PLCG2: variants seen among roughly 807,000 people sequenced by gnomAD.
PLCG2 encodes 1-phosphatidylinositol 4,5-bisphosphate phosphodiesterase gamma-2.
A neutral mutation model predicts 175.6 loss-of-function variants in PLCG2; 69 were observed. The ratio of observed to expected loss-of-function variants is 0.39; its 90% CI spans 0.32 to 0.48. The LOEUF is 0.48. Among genes scored for constraint, PLCG2 ranks in the 20% least tolerant of loss-of-function variants. PLCG2 has a pLI of 0.91. For synonymous variants in PLCG2, 827 were observed against 624.0 expected (o/e 1.33, Z -4.85); for missense variants, 1,798 against 1,650.9 (o/e 1.09, Z -1.54).
At position 81,913,560 on chromosome 16, in the gene PLCG2, T is replaced by TG. The variant is rs577781189; in HGVS notation, c.2054+849dup. Among the ~76,000 whole-genome samples the TG allele has an allele frequency of 2.8e-4, 43 of 152,340 alleles. 1 individual carries two copies. In the East Asian group the frequency reaches 8.1e-3, roughly 29 times the overall value. On this transcript the variant is annotated intron_variant, in intron 19 of 32. Coordinates refer to ENST00000564138, the MANE Select transcript of PLCG2 (RefSeq NM_002661.5). ...ACTCCAGAGTCTCTAGCCAGAGGCC[T>TG]GGGGGCCAAATCTCCAGCCAGAGGC...
rs564633233 is a variant in PLCG2, at chr16:81,811,366, C to A, written c.193+25184C>A. Among the ~76,000 whole-genome samples the A allele has an allele frequency of 1.9e-4, 29 of 152,276 alleles. No homozygotes were observed. In the South Asian group the frequency reaches 5.0e-3, roughly 26 times the overall value. On this transcript the variant is annotated intron_variant, in intron 2 of 32. Coordinates refer to ENST00000564138, the MANE Select transcript of PLCG2 (RefSeq NM_002661.5). The stretch of plus-strand genomic sequence containing the variant: ...ATCATCGATAAGGGATGGTTTTGCA[C>A]GTCGGGGTTCAGGACTCAAAAGGGA...
At chr16:81,776,356 G>A (rs904585497), upstream of PLCG2, among the ~76,000 whole-genome samples, 21 of 151,812 alleles carry the variant, frequency 1.4e-4, no homozygotes, top group East Asian at 1.9e-4. Flanking sequence ...TGATCCGCCC[G>A]CCTCAGCCTC....
intron 2 of PLCG2, among the ~76,000 whole-genome samples, chr16:81,789,481 G>A (rs867469276): frequency 9.2e-5 from 14 of 152,226 alleles, no homozygotes; most frequent in African/African-American, 3.1e-4. Flanking sequence ...TGTAGATAGG[G>A]TCTTGCTATG....
chr16:81,757,276 C>T (rs1482822973), intron 2 of PLCG2, among the ~76,000 whole-genome samples: 3 of 152,048 alleles, frequency 2.0e-5, no homozygotes, highest in African/African-American at 7.2e-5. Context: ...CAATTTTCTG[C>T]TAGGCCCTGG....
chr16:81,810,059 T>G (rs1555508437), intron 2 of PLCG2, among the ~76,000 whole-genome samples: 1 of 152,010 alleles, frequency 6.6e-6, no homozygotes, highest in Non-Finnish European at 1.5e-5. Flanking sequence ...TGGCGTGATC[T>G]CAGCTCACTG....
At chr16:81,779,017 C>G (rs1464391399), upstream of PLCG2, among the ~76,000 whole-genome samples, 2 of 152,130 alleles carry the variant, frequency 1.3e-5, no homozygotes, top group Admixed American at 6.5e-5. Flanking sequence ...TCCAGGAATG[C>G]CATGATATTG....
upstream of PLCG2, among the ~76,000 whole-genome samples, chr16:81,775,166 A>G (rs986644807): frequency 1.3e-5 from 2 of 152,174 alleles, no homozygotes; most frequent in Admixed American, 6.6e-5. Flanking sequence ...CCATCGTCAC[A>G]ATCCATTTTA....
intron 1 of PLCG2, among the ~76,000 whole-genome samples, chr16:81,781,028 GACAAACAAACAA>G (rs112007343): frequency 2.2e-3 from 330 of 150,850 alleles, no homozygotes; most frequent in African/African-American, 7.6e-3. Context: ...TCCATCTCAA[GACAAACAAACAA>G]ACAAACAAAC....
chr16:81,915,230 C>T (rs1338172309), intron 19 of PLCG2, among the ~76,000 whole-genome samples: 15 of 152,186 alleles, frequency 9.9e-5, no homozygotes, highest in Admixed American at 9.8e-4. Flanking sequence ...TAGGGGAACA[C>T]AGGTCTGCAG....
chr16:81,902,031 A>T (rs1275857980), intron 14 of PLCG2, among the ~76,000 whole-genome samples: 1 of 152,214 alleles, frequency 6.6e-6, no homozygotes, highest in Non-Finnish European at 1.5e-5. Flanking sequence ...TCTCAGGCAC[A>T]TCCGAGTTCC....
At chr16:81,894,022 G>C (rs1005819027) in intron 12 of PLCG2, among the ~76,000 whole-genome samples, 1 of 149,022 alleles carries the variant, frequency 6.7e-6, no homozygotes, top group African/African-American at 2.5e-5. Context: ...CTTCCTCCTG[G>C]GCTGGTATTA....
chr16:81,743,866 T>C (rs80055955), intron 1 of PLCG2, among the ~76,000 whole-genome samples: 1 of 75,712 alleles, frequency 1.3e-5, no homozygotes, highest in African/African-American at 3.2e-5. Flanking sequence ...TTTCTTTTTC[T>C]TTTTTTTTTT....
chr16:81,865,239 T>TC (rs1907170535), intron 5 of PLCG2, among the ~76,000 whole-genome samples: 1 of 152,092 alleles, frequency 6.6e-6, no homozygotes, highest in Admixed American at 6.5e-5. Context: ...CGAGGCACTC[T>TC]CTGTAGGGGA....
intron 1 of PLCG2, chr16:81,755,804 G>A (rs1302357973): frequency 6.6e-6 from 1 of 152,398 alleles, no homozygotes; most frequent in African/African-American, 2.4e-5. Context: ...GGGACTACAG[G>A]TGTGAGCCAC....
intron 2 of PLCG2, among the ~76,000 whole-genome samples, chr16:81,796,987 A>G (rs900938401): frequency 1.3e-5 from 2 of 152,222 alleles, no homozygotes; most frequent in Admixed American, 6.5e-5. Flanking sequence ...AGCCACTGAT[A>G]CTATGGATGG....
intron 31 of PLCG2, among the ~76,000 whole-genome samples, chr16:81,951,635 A>G (rs537800663): frequency 6.6e-6 from 1 of 152,350 alleles, no homozygotes; most frequent in East Asian, 1.9e-4. Context: ...CCCTAACCTC[A>G]TTCAGCCGTA....
At chr16:81,761,962 G>C (rs551015772) in intron 2 of PLCG2, among the ~76,000 whole-genome samples, 1 of 151,232 alleles carries the variant, frequency 6.6e-6, no homozygotes, top group South Asian at 2.1e-4. Flanking sequence ...TTCCCAAGTA[G>C]TTGGGACTAC....
intron 1 of PLCG2, among the ~76,000 whole-genome samples, chr16:81,746,315 T>G (rs1284702021): frequency 6.6e-6 from 1 of 152,202 alleles, no homozygotes; most frequent in Non-Finnish European, 1.5e-5. Context: ...TGCTTGAGTT[T>G]TCGCCCCCAG....
chr16:81,936,218 C>G lies in PLCG2; in HGVS notation c.2892C>G (p.Asp964Glu), dbSNP rs377084065. Residue 964 changes from aspartate to glutamate, a missense_variant, in exon 27 of 33, where the codon GAC becomes GAG. Physicochemically the swap from Asp to Glu is conservative, Grantham distance 45 (BLOSUM62 2). Transcript: ENST00000564138. ...GCTCCTTTGTGGAGACGAAGGCTGA[C>G]AGCATCATCAGACAGAAGCCCGTCG... The part of the protein sequence containing the change: ...EIRSFVETKA[D>E]SIIRQKPVDL... The G allele has an allele frequency of 6.2e-7, 1 of 1,614,172 alleles. No individual in the cohort carries two copies. Among genetic ancestry groups the G allele is most frequent in the Admixed American group, 1.7e-5 (1 of 60,020 alleles).
Sources: allele counts gnomAD v4.1 joint callset (sites outside exome capture counted in the v4.1 genomes callset), GRCh38; gene constraint gnomAD v4.1.1; transcripts MANE v1.5; gene names NCBI Gene and HGNC (gene_info 2026-07-23, HGNC 2026-07-21).